The following TNIK variants were observed in gnomAD, a reference collection of about 807,000 sequenced individuals.
The protein encoded by TNIK is TRAF2 and NCK-interacting protein kinase.
TNIK carries 49 observed loss-of-function variants against 191.3 expected under a neutral mutation model. The observed-to-expected ratio is 0.26, with a 90% CI of 0.20 to 0.32. The LOEUF is 0.32. TNIK is among the 10% of genes least tolerant of loss of function. The probability of loss-of-function intolerance (pLI) is 1.00; values close to 1 mark genes in which losing one functional copy is unlikely to be tolerated. For synonymous variants in TNIK, 594 were observed against 600.9 expected (o/e 0.99, Z 0.17); for missense variants, 1,155 against 1,702.3 (o/e 0.68, Z 5.66).
intron 2 of TNIK, among the ~76,000 whole-genome samples, chr3:171,276,122 T>C (rs1749712936): frequency 6.6e-6 from 1 of 152,100 alleles, no homozygotes; most frequent in Non-Finnish European, 1.5e-5. Flanking sequence ...GAAAATAATT[T>C]TCATCTTAGA....
In TNIK at chr3:171,338,842, C is replaced by T. The variant is rs533573043; in HGVS notation, c.123+30778G>A. 4.6e-5 allele frequency among the ~76,000 whole-genome samples: 7 copies of T among 152,082 alleles called. No homozygotes were observed. The South Asian group carries it at 6.2e-4, about 14-fold the overall frequency. On this transcript the variant is annotated intron_variant, in intron 2 of 32. Coordinates refer to ENST00000436636, the MANE Select transcript of TNIK (RefSeq NM_015028.4). ...CTCTTTATAGGAATTGCCTAACTAC[C>T]GTACAGTGCAGAAGGTACTATTATT...
chr3:171,177,258 T>C, intron 8 of TNIK, 68 bp downstream of exon 8: 2 of 1,531,852 alleles, frequency 1.3e-6, no homozygotes, highest in Non-Finnish European at 1.8e-6. Flanking sequence ...CTGCAGCTCC[T>C]GGCAAGGAAA....
At chr3:171,214,163 T>G (rs1177327042) in intron 3 of TNIK, among the ~76,000 whole-genome samples, 1 of 151,656 alleles carries the variant, frequency 6.6e-6, no homozygotes, top group African/African-American at 2.4e-5. Context: ...TATCCAGATT[T>G]TTAGTCTAGG....
intron 2 of TNIK, among the ~76,000 whole-genome samples, chr3:171,277,007 T>C (rs922392027): frequency 7.2e-5 from 11 of 152,222 alleles, no homozygotes; most frequent in Admixed American, 2.6e-4. Flanking sequence ...TGCAACACTG[T>C]TGAGAGGTGG....
intron 12 of TNIK, among the ~76,000 whole-genome samples, chr3:171,154,470 C>A (rs555307678): frequency 6.6e-6 from 1 of 152,266 alleles, no homozygotes; most frequent in African/African-American, 2.4e-5. Flanking sequence ...CTGTGACTTA[C>A]AGGCACGCTC....
chr3:171,354,439 C>A (rs1002197657), intron 2 of TNIK, among the ~76,000 whole-genome samples: 1 of 152,076 alleles, frequency 6.6e-6, no homozygotes. Flanking sequence ...CCTCGGAGGG[C>A]CAAAAGGGCA....
At chr3:171,176,464 A>G (rs887298991) in intron 8 of TNIK, among the ~76,000 whole-genome samples, 7 of 152,250 alleles carry the variant, frequency 4.6e-5, no homozygotes, top group Non-Finnish European at 7.3e-5. Context: ...GAATGGAAAC[A>G]GGGAAGGAGC....
intron 15 of TNIK, among the ~76,000 whole-genome samples, chr3:171,129,338 T>C (rs1728928323): frequency 6.6e-6 from 1 of 152,194 alleles, no homozygotes. Context: ...AGGATGAAGC[T>C]GAGTGCATGC....
chr3:171,298,462 C>T (rs1370402998), intron 2 of TNIK, among the ~76,000 whole-genome samples: 1 of 152,156 alleles, frequency 6.6e-6, no homozygotes, highest in East Asian at 1.9e-4. Context: ...TGTTCCAGCC[C>T]CTTGCAGTTA....
At chr3:171,383,657 G>A (rs1718353740) in intron 1 of TNIK, among the ~76,000 whole-genome samples, 1 of 152,164 alleles carries the variant, frequency 6.6e-6, no homozygotes, top group Non-Finnish European at 1.5e-5. Flanking sequence ...AAAAAATTTG[G>A]AAAGGGAGGA....
intron 2 of TNIK, among the ~76,000 whole-genome samples, chr3:171,367,124 T>C (rs1388087868): frequency 6.6e-6 from 1 of 152,240 alleles, no homozygotes; most frequent in African/African-American, 2.4e-5. Context: ...TATGATTTTA[T>C]GTATAAGGAC....
intron 12 of TNIK, among the ~76,000 whole-genome samples, chr3:171,152,664 G>A (rs1329850272): frequency 6.6e-6 from 1 of 152,118 alleles, no homozygotes; most frequent in African/African-American, 2.4e-5. Flanking sequence ...CACTCCAAGT[G>A]CAGATCTACT....
chr3:171,096,109 C>T (rs1350254727), intron 22 of TNIK, among the ~76,000 whole-genome samples: 1 of 152,102 alleles, frequency 6.6e-6, no homozygotes, highest in Non-Finnish European at 1.5e-5. Flanking sequence ...AAGAGTCTTC[C>T]ATGAGGGCAG....
intron 2 of TNIK, among the ~76,000 whole-genome samples, chr3:171,280,841 A>T (rs528037874): frequency 6.6e-6 from 1 of 152,294 alleles, no homozygotes; most frequent in East Asian, 1.9e-4. Flanking sequence ...ATTACTGATA[A>T]AGTAAAAATA....
At chr3:171,228,425 G>A (rs558253160) in intron 2 of TNIK, among the ~76,000 whole-genome samples, 1 of 152,180 alleles carries the variant, frequency 6.6e-6, no homozygotes, top group South Asian at 2.1e-4. Flanking sequence ...TTTTCACAGT[G>A]GGTGTCAAGT....
chr3:171,442,825 C>T (rs548301566), intron 1 of TNIK, among the ~76,000 whole-genome samples: 1 of 152,246 alleles, frequency 6.6e-6, no homozygotes, highest in South Asian at 2.1e-4. Context: ...AAATACTGTT[C>T]CTCTTCCCTT....
At chr3:171,271,341 A>C (rs1749075487) in intron 2 of TNIK, among the ~76,000 whole-genome samples, 1 of 152,216 alleles carries the variant, frequency 6.6e-6, no homozygotes, top group Non-Finnish European at 1.5e-5. Context: ...ATAAACATCA[A>C]GTTCAAGCTC....
chr3:171,113,430 C>A (rs536098944), intron 18 of TNIK, among the ~76,000 whole-genome samples: 5 of 152,054 alleles, frequency 3.3e-5, no homozygotes, highest in African/African-American at 1.2e-4. Flanking sequence ...ACAGTGAAAC[C>A]CCATCTCTAC....
At chr3:171,371,567 AGGTGT>A in intron 1 of TNIK, among the ~76,000 whole-genome samples, 1 of 152,270 alleles carries the variant, frequency 6.6e-6, no homozygotes, top group South Asian at 2.1e-4. Context: ...CTGGTCTGGG[AGGTGT>A]GGTTCCAGAC....
Sources: allele counts gnomAD v4.1 joint callset (sites outside exome capture counted in the v4.1 genomes callset), GRCh38; gene constraint gnomAD v4.1.1; transcripts MANE v1.5; gene names NCBI Gene and HGNC (gene_info 2026-07-23, HGNC 2026-07-21).